Variants in DLGAP2 observed in about 807,000 individuals in gnomAD.
DLGAP2 encodes the protein DLG associated protein 2.
In DLGAP2, 26 loss-of-function variants were observed where a neutral mutation model predicts 100.3. The ratio of observed to expected loss-of-function variants is 0.26; its 90% confidence interval spans 0.19 to 0.36. DLGAP2 has a LOEUF of 0.36. Among genes scored for constraint, DLGAP2 ranks in the 10% least tolerant of loss-of-function variants. The pLI is 1.00. For missense variants in DLGAP2, 1,858 were observed against 1,453.2 expected, an observed-to-expected ratio of 1.28 and a Z score of -4.53; for synonymous variants, 886 against 630.1, an observed-to-expected ratio of 1.41 and a Z score of -6.08.
chr8:1,651,007 C>A (rs897918518), intron 8 of DLGAP2, among the ~76,000 whole-genome samples: 2 of 152,140 alleles, frequency 1.3e-5, no homozygotes, highest in Non-Finnish European at 2.9e-5. Flanking sequence ...GCATCTACCA[C>A]CAAGAAAACC....
Position 1,701,373 on chromosome 8 carries a change from G to A in DLGAP2, c.3135G>A (p.Glu1045=). ...NSASERADSI[E]IYIPEAQTRL Reference sequence around the variant, plus strand: ...CCTCCGAGCGCGCGGACAGCATCGAGATCTACATCCCCGAGGCCCAGACCC... The same window carrying A: ...CCTCCGAGCGCGCGGACAGCATCGAAATCTACATCCCCGAGGCCCAGACCC... The change falls in exon 15 of 15, where the codon GAG becomes GAA. Residue 1045 remains glutamate, a synonymous_variant. Coordinates refer to ENST00000637795, the MANE Select transcript of DLGAP2 (RefSeq NM_001346810.2). 1 of 1,598,388 alleles carries A rather than the reference G, an allele frequency of 6.3e-7. No individual in the cohort carries two copies. Among genetic ancestry groups the A allele is most frequent in the South Asian group, 1.1e-5 (1 of 88,392 alleles).
chr8:1,641,844 G>T (rs1392533769), intron 8 of DLGAP2, among the ~76,000 whole-genome samples: 2 of 151,784 alleles, frequency 1.3e-5, no homozygotes, highest in Non-Finnish European at 2.9e-5. Flanking sequence ...GGAGATGGAA[G>T]TACTGTTGAA....
At chr8:1,488,217 T>C (rs1184533163) in intron 3 of DLGAP2, among the ~76,000 whole-genome samples, 1 of 152,020 alleles carries the variant, frequency 6.6e-6, no homozygotes, top group Non-Finnish European at 1.5e-5. Flanking sequence ...TCCACCCCCC[T>C]GCAAACTCCC....
intron 3 of DLGAP2, among the ~76,000 whole-genome samples, chr8:1,269,345 C>G (rs752633229): frequency 1.2e-4 from 19 of 152,186 alleles, no homozygotes; most frequent in Non-Finnish European, 2.4e-4. Context: ...ATGGGACCTG[C>G]TGGAAAGACC....
At chr8:841,203 A>G (rs752036067) in intron 1 of DLGAP2, among the ~76,000 whole-genome samples, 7 of 152,198 alleles carry the variant, frequency 4.6e-5, no homozygotes, top group Admixed American at 2.0e-4. Flanking sequence ...TTATCAAGGA[A>G]TGAATTGGTT....
intron 3 of DLGAP2, among the ~76,000 whole-genome samples, chr8:1,501,148 G>A (rs1799709510): frequency 2.0e-5 from 3 of 152,180 alleles, no homozygotes; most frequent in East Asian, 1.9e-4. Flanking sequence ...GGAGAAATAC[G>A]TGCATCTGTG....
intron 12 of DLGAP2, among the ~76,000 whole-genome samples, chr8:1,685,721 A>C (rs911503146): frequency 6.6e-6 from 1 of 151,832 alleles, no homozygotes; most frequent in African/African-American, 2.4e-5. Flanking sequence ...ATATACAAGG[A>C]GCTCAAATAA....
At chr8:778,347 G>C (rs530299737) in intron 1 of DLGAP2, among the ~76,000 whole-genome samples, 2 of 152,212 alleles carry the variant, frequency 1.3e-5, no homozygotes, top group Non-Finnish European at 1.5e-5. Flanking sequence ...CTCTCAGCTC[G>C]TCAAAGTCAT....
At chr8:880,957 A>T (rs1797778632) in intron 1 of DLGAP2, among the ~76,000 whole-genome samples, 1 of 152,220 alleles carries the variant, frequency 6.6e-6, no homozygotes, top group African/African-American at 2.4e-5. Flanking sequence ...CTAATTGCAC[A>T]GCCAACTTTC....
Position 1,464,358 on chromosome 8 carries a change from C to T in DLGAP2, c.107-37008C>T, listed in dbSNP as rs11778408. 4.4e-4 allele frequency among the ~76,000 whole-genome samples: 62 copies of T among 139,838 alleles called. 15 individuals are homozygous for T. Among genetic ancestry groups the T allele is most frequent in the East Asian group, 1.1e-3 (5 of 4,614 alleles). The allele number at this position is 139,838 out of a possible 152,430, so 91.7% of individuals were successfully genotyped here. On this transcript the variant is annotated intron_variant, in intron 3 of 14. Transcript: ENST00000637795. ...GCACCCTTCCAGGACGGCACCCTTCCAGGACAACGCCCTTCCAGGATGGCA... is the reference window on the plus strand; with the variant it reads ...GCACCCTTCCAGGACGGCACCCTTCTAGGACAACGCCCTTCCAGGATGGCA...
In DLGAP2 at chr8:1,349,924, T is replaced by C. The variant is rs73670781; in HGVS notation, c.106+91041T>C. ...TATTGAAAACAAACACATTTGCCTA[T>C]ATCTCTAGGCAGATTCTTACAAATA... On this transcript the variant is annotated intron_variant, in intron 3 of 14. Transcript: ENST00000637795. Among the ~76,000 whole-genome samples, 437 of 152,366 alleles carry C rather than the reference T, an allele frequency of 2.9e-3. 1 individual carries two copies. The highest frequency in any genetic ancestry group is 1.0e-2 in the African/African-American group (414 of 41,592).
chr8:1,229,432 T>G (rs1476207771), intron 2 of DLGAP2, among the ~76,000 whole-genome samples: 1 of 152,200 alleles, frequency 6.6e-6, no homozygotes, highest in East Asian at 1.9e-4. Flanking sequence ...GGTTTGTATT[T>G]CTTGCTGATT....
intron 3 of DLGAP2, among the ~76,000 whole-genome samples, chr8:1,268,953 C>G (rs904546292): frequency 5.9e-5 from 9 of 152,192 alleles, no homozygotes; most frequent in Non-Finnish European, 1.0e-4. Flanking sequence ...TCAGCTCTAT[C>G]TGCAGCTGAT....
intron 3 of DLGAP2, among the ~76,000 whole-genome samples, chr8:1,419,245 T>G (rs1224243571): frequency 2.0e-5 from 3 of 150,880 alleles, no homozygotes; most frequent in Non-Finnish European, 4.4e-5. Context: ...GGTTTTGTTT[T>G]CCTTTTATAA....
intron 2 of DLGAP2, among the ~76,000 whole-genome samples, chr8:947,236 ACT>A (rs1315228737): frequency 6.6e-6 from 1 of 151,856 alleles, no homozygotes; most frequent in Non-Finnish European, 1.5e-5. Context: ...GCTGCCCCAC[ACT>A]CTCTACCAGG....
At chr8:1,155,505 G>C (rs906312156) in intron 2 of DLGAP2, among the ~76,000 whole-genome samples, 5 of 152,198 alleles carry the variant, frequency 3.3e-5, no homozygotes, top group African/African-American at 7.2e-5. Flanking sequence ...CTTTTCTAAA[G>C]AGTTTCCATG....
At chr8:771,355 C>T (rs145651386) in intron 1 of DLGAP2, among the ~76,000 whole-genome samples, 3 of 152,330 alleles carry the variant, frequency 2.0e-5, no homozygotes, top group East Asian at 3.9e-4. Context: ...AAATACGTTT[C>T]ATAGAGTTAT....
intron 1 of DLGAP2, among the ~76,000 whole-genome samples, chr8:750,874 A>T (rs545564914): frequency 1.3e-5 from 2 of 152,382 alleles, no homozygotes; most frequent in South Asian, 4.1e-4. Flanking sequence ...GTTTCTGAAA[A>T]ATGTCCAGTC....
intron 3 of DLGAP2, among the ~76,000 whole-genome samples, chr8:1,327,577 G>T (rs1430770919): frequency 6.6e-6 from 1 of 152,202 alleles, no homozygotes; most frequent in Non-Finnish European, 1.5e-5. Flanking sequence ...AGGCATGGTG[G>T]CTCATGCCTG....
Sources: allele counts gnomAD v4.1 joint callset (sites outside exome capture counted in the v4.1 genomes callset), GRCh38; gene constraint gnomAD v4.1.1; transcripts MANE v1.5; gene names NCBI Gene and HGNC (gene_info 2026-07-23, HGNC 2026-07-21).